Variants in RSKR observed in about 807,000 individuals in gnomAD.
The protein encoded by RSKR is ribosomal protein S6 kinase-related protein.
Under a neutral mutation model 56.8 loss-of-function variants are expected in RSKR, and 44 were observed. The ratio of observed to expected loss-of-function variants is 0.77; its 90% confidence interval spans 0.61 to 1.00. RSKR has a LOEUF of 1.00. Ranked by LOEUF, RSKR falls within the 50% of genes least tolerant of loss-of-function variation. The pLI is 0.00. For synonymous variants in RSKR, 181 were observed against 188.0 expected, an observed-to-expected ratio of 0.96 and a Z score of 0.30; for missense variants, 510 against 506.9, an observed-to-expected ratio of 1.01 and a Z score of -0.06.
At chr17:28,611,949 T>G in intron 7 of RSKR, 95 bp downstream of exon 7, 5 of 1,613,362 alleles carry the variant, frequency 3.1e-6, no homozygotes, top group Non-Finnish European at 3.4e-6. Context: ...GGGGCCCCAA[T>G]GTCTACAGTT....
At chr17:28,612,117 T>C in intron 6 of RSKR, 33 bp from the exon 7 acceptor site, 2 of 1,612,616 alleles carry the variant, frequency 1.2e-6, no homozygotes, top group Non-Finnish European at 1.7e-6. Context: ...ATGCTGCAGC[T>C]TTTCTGTCCT....
In RSKR at chr17:28,611,594, T is replaced by C. The variant is rs1375157229; in HGVS notation, c.784A>G (p.Thr262Ala). The change falls in exon 9 of 12, where the codon ACT becomes GCT. Residue 262 changes from threonine (T) to alanine (A), a missense_variant. By Grantham distance (58) the Thr-to-Ala change is moderately conservative. Transcript: ENST00000301037. ...ATGTACTGAAGAGTGCCACAGATAG[T>C]GTAGGCTTGAGCTCCCTGGGGCACG... is the stretch of plus-strand genomic sequence containing the variant. Reference protein sequence around the residue: ...RHVPQGAQAYTICGTLQYMAP... With the variant: ...RHVPQGAQAYAICGTLQYMAP... The C allele has an allele frequency of 1.3e-6, 2 of 1,562,796 alleles. No individual in the cohort carries two copies. The highest frequency in any genetic ancestry group is 1.2e-5 in the South Asian group (1 of 81,148).
At position 28,610,430 on chromosome 17, in the gene RSKR, T is replaced by G. The variant is rs1289435116; in HGVS notation, c.*48A>C. ...GGTGGTCATACTGAGTAGGCAGGGATGGAGATCTTCAGGCTCCCAGCCGGG... is the reference window on the plus strand; with the variant it reads ...GGTGGTCATACTGAGTAGGCAGGGAGGGAGATCTTCAGGCTCCCAGCCGGG... On this transcript the variant is annotated 3_prime_UTR_variant, in exon 12 of 12. Coordinates refer to ENST00000301037, the MANE Select transcript of RSKR (RefSeq NM_001174103.2). The G allele has an allele frequency of 3.4e-6, 5 of 1,479,392 alleles. No individual in the cohort carries two copies. In the Admixed American group the frequency reaches 7.9e-5, roughly 23 times the overall value. The allele number at this position is 1,479,392 out of a possible 1,614,324, so 91.6% of individuals were successfully genotyped here.
chr17:28,613,565 C>T lies in RSKR; in HGVS notation c.199G>A (p.Glu67Lys), dbSNP rs747764425. 1 of 1,614,180 alleles carries T rather than the reference C, an allele frequency of 6.2e-7. No individual in the cohort carries two copies. The change falls in exon 2 of 12, where the codon GAA becomes AAA. Residue 67 changes from glutamate to lysine, a missense_variant. Transcript: ENST00000301037. ...ELRGHHYLHQ[E>K]SLKPAPVLVE... ...AGTACTGGGGCTGGCTTTAGGGATT[C>T]CTGGTGCAGATAGTGGTGCCCCCGT... is the stretch of plus-strand genomic sequence containing the variant.
Position 28,612,039 on chromosome 17 carries a change from T to C in RSKR, c.693+5A>G. On this transcript the variant is annotated splice_donor_5th_base_variant and intron_variant, in intron 7 of 11. Coordinates refer to ENST00000301037, the MANE Select transcript of RSKR (RefSeq NM_001174103.2). ...AGACAAAGGGAAAAAAGCACTTAAC[T>C]CTACCTTCACATCTCGATGCATGAT... 1 of 1,614,172 alleles carries C rather than the reference T, an allele frequency of 6.2e-7. No individual in the cohort carries two copies. The highest frequency in any genetic ancestry group is 8.5e-7 in the Non-Finnish European group (1 of 1,180,030).
chr17:28,611,033 G>A, intron 11 of RSKR, 110 bp downstream of exon 11: 1 of 964,578 alleles, frequency 1.0e-6, no homozygotes, highest in Non-Finnish European at 1.6e-6. Flanking sequence ...TAGTTAAGTT[G>A]GAGCCCCCTC....
At chr17:28,612,425 T>G (rs1412831273) in intron 5 of RSKR, 59 bp from the exon 6 acceptor site, 66 of 1,552,426 alleles carry the variant, frequency 4.3e-5, no homozygotes, top group Non-Finnish European at 5.8e-5. Flanking sequence ...GTTTGGGAGC[T>G]GCAATGCCTG....
rs892324826 is a variant in RSKR at position 28,608,547 on chromosome 17, G to C, written c.*1931C>G. 1 of 152,036 alleles carries C rather than the reference G, an allele frequency of 6.6e-6. No individual in the cohort carries two copies. The highest frequency in any genetic ancestry group is 6.6e-5 in the Admixed American group (1 of 15,260). 9.4% of individuals were successfully genotyped at this position (152,036 alleles called of 1,614,324 possible). On this transcript the variant is annotated 3_prime_UTR_variant, in exon 12 of 12. Coordinates refer to ENST00000301037, the MANE Select transcript of RSKR (RefSeq NM_001174103.2). ...TTTTGTATTTTTTGGGGAGAAACGG[G>C]GTTTCACCATGTTGGCCAGGCTGGT...
rs1170115484 is a variant in RSKR at position 28,608,907 on chromosome 17, G to T, written c.*1571C>A. The T allele has an allele frequency of 2.0e-5, 3 of 151,980 alleles. No homozygotes were observed. The highest frequency in any genetic ancestry group is 2.1e-4 in the South Asian group (1 of 4,816). 9.4% of individuals were successfully genotyped at this position (151,980 alleles called of 1,614,324 possible). On this transcript the variant is annotated 3_prime_UTR_variant, in exon 12 of 12. Transcript: ENST00000301037. ...AAGTCTCAGGACAAAAATGAAAATT[G>T]TGAGAAATTAGTTTAAGAAAAATGA...
chr17:28,612,861 C>T (rs2070839837), intron 4 of RSKR, 174 bp from the exon 5 acceptor site: 1 of 747,698 alleles, frequency 1.3e-6, no homozygotes, highest in Admixed American at 2.3e-5. Flanking sequence ...CCAGCAAATA[C>T]TAAGGAATAC....
chr17:28,614,009 T>A, intron 1 of RSKR, 78 bp downstream of exon 1: 1 of 1,564,602 alleles, frequency 6.4e-7, no homozygotes, highest in African/African-American at 1.3e-5. Flanking sequence ...TCCATGCTCC[T>A]AACCAGGAAC....
At chr17:28,611,068 G>T in intron 11 of RSKR, 75 bp downstream of exon 11, 1 of 1,351,628 alleles carries the variant, frequency 7.4e-7, no homozygotes, top group African/African-American at 1.4e-5. Context: ...GAGGAATGGG[G>T]AAAAATCACT....
In RSKR at chr17:28,610,451, C is replaced by T. The variant is rs1476881293; in HGVS notation, c.*27G>A. 4 of 1,530,328 alleles carry T rather than the reference C, an allele frequency of 2.6e-6. No individual in the cohort carries two copies. Among genetic ancestry groups the T allele is most frequent in the Non-Finnish European group, 3.5e-6 (4 of 1,142,006 alleles). The allele number at this position is 1,530,328 out of a possible 1,614,324, so 94.8% of individuals were successfully genotyped here. A position where few individuals can be genotyped will look rare whatever the true frequency, so the allele number is the denominator to read the frequency against. On this transcript the variant is annotated 3_prime_UTR_variant, in exon 12 of 12. Transcript: ENST00000301037. ...GGGATGGAGATCTTCAGGCTCCCAG[C>T]CGGGCCCCAATTTACAGTAGAGAGG... is the stretch of plus-strand genomic sequence containing the variant.
Position 28,608,383 on chromosome 17 carries a change from T to G in RSKR, c.*2095A>C, listed in dbSNP as rs1432938506. 1 of 152,178 alleles carries G rather than the reference T, an allele frequency of 6.6e-6. No homozygotes were observed. Among genetic ancestry groups the G allele is most frequent in the Non-Finnish European group, 1.5e-5 (1 of 68,038 alleles). 9.4% of individuals were successfully genotyped at this position (152,178 alleles called of 1,614,324 possible). On this transcript the variant is annotated 3_prime_UTR_variant, in exon 12 of 12. Coordinates refer to ENST00000301037, the MANE Select transcript of RSKR (RefSeq NM_001174103.2). ...AATTTATTTTTTTCCTGAGACAAGA[T>G]CTCACTCTGTTGCTCAGGCTGGATG...
intron 10 of RSKR, 48 bp downstream of exon 10, chr17:28,611,345 C>A: frequency 6.5e-7 from 1 of 1,534,974 alleles, no homozygotes; most frequent in Non-Finnish European, 8.7e-7. Context: ...CTTCTTCCCA[C>A]CACAAGGCAA....
In RSKR at chr17:28,609,551, T is replaced by C. The variant is rs1475613798; in HGVS notation, c.*927A>G. ...TTTCAATTTTTAAAAATTAGATTTA[T>C]TGCAGACTGGCCTCAAGCTCCCAGA... On this transcript the variant is annotated 3_prime_UTR_variant, in exon 12 of 12. Transcript: ENST00000301037. The C allele has an allele frequency of 6.6e-6, 1 of 152,022 alleles. No individual in the cohort carries two copies. The highest frequency in any genetic ancestry group is 1.5e-5 in the Non-Finnish European group (1 of 68,014). The allele number at this position is 152,022 out of a possible 1,614,324, so 9.4% of individuals were successfully genotyped here. A position where few individuals can be genotyped will look rare whatever the true frequency, so the allele number is the denominator to read the frequency against.
In RSKR at chr17:28,613,293, T is replaced by C; in HGVS notation, c.377A>G (p.Asp126Gly). 6.2e-7 allele frequency: 1 copy of C among 1,614,038 alleles called. No individual in the cohort carries two copies. The highest frequency in any genetic ancestry group is 1.3e-5 in the African/African-American group (1 of 75,058). The change falls in exon 3 of 12, where the codon GAT becomes GGT. Residue 126 changes from aspartate to glycine, a missense_variant. By Grantham distance (94) the Asp-to-Gly change is moderately conservative. Transcript: ENST00000301037. Reference sequence around the variant, plus strand: ...TGCAAATACAGCTTTCTGGGTGCAATCTAGCACCTTGAGGACAGTTCCAAA... The same window carrying C: ...TGCAAATACAGCTTTCTGGGTGCAACCTAGCACCTTGAGGACAGTTCCAAA... ...GSFGTVLKVL[D>G]CTQKAVFAVK...
intron 4 of RSKR, 49 bp downstream of exon 4, chr17:28,613,029 A>G (rs1567634120): frequency 1.9e-6 from 3 of 1,590,902 alleles, no homozygotes; most frequent in Admixed American, 3.3e-5. Flanking sequence ...TACTTTCCCT[A>G]CCTGTGGCCT....
chr17:28,609,032 CTTTTTTTTTTTTTTTT>C lies in RSKR; in HGVS notation c.*1430_*1445del, dbSNP rs749382342. 1 of 93,632 alleles carries C rather than the reference CTTTTTTTTTTTTTTTT, an allele frequency of 1.1e-5. No homozygotes were observed. Among genetic ancestry groups the C allele is most frequent in the Non-Finnish European group, 2.0e-5 (1 of 49,262 alleles). 5.8% of individuals were successfully genotyped at this position (93,632 alleles called of 1,614,324 possible). A position where few individuals can be genotyped will look rare whatever the true frequency, so the allele number is the denominator to read the frequency against. ...TTGAGATATGTCTCTAACCTTAAAT[CTTTTTTTTTTTTTTTT>C]TTTTTTTTTTTTGAGACAGAGTCTA... On this transcript the variant is annotated 3_prime_UTR_variant, in exon 12 of 12. Coordinates refer to ENST00000301037, the MANE Select transcript of RSKR (RefSeq NM_001174103.2).
Sources: allele counts gnomAD v4.1 joint callset, GRCh38; gene constraint gnomAD v4.1.1; transcripts MANE v1.5; gene names NCBI Gene and HGNC (gene_info 2026-07-23, HGNC 2026-07-21).